LPP: variants seen among roughly 807,000 people sequenced by gnomAD.
LPP encodes lipoma-preferred partner.
In LPP, 38 loss-of-function variants were observed where a neutral mutation model predicts 60.4. The ratio of observed to expected loss-of-function variants is 0.63; its 90% CI spans 0.49 to 0.83. The LOEUF (loss-of-function observed/expected upper bound fraction) is 0.83, where lower values mean the gene tolerates loss of function less well. Ranked by LOEUF, LPP falls within the 40% of genes least tolerant of loss-of-function variation. LPP has a pLI of 0.00. For missense variants in LPP, 902 were observed against 783.6 expected, an observed-to-expected ratio of 1.15 and a Z score of -1.80; for synonymous variants, 328 against 290.8, an observed-to-expected ratio of 1.13 and a Z score of -1.30.
chr3:188,781,909 AT>A (rs67057418), intron 9 of LPP, among the ~76,000 whole-genome samples: 42,984 of 125,768 alleles, frequency 0.34, 7,318 homozygotes, highest in South Asian at 0.47. Context: ...AAAAAAAAAA[AT>A]CTATCACCCC....
intron 7 of LPP, among the ~76,000 whole-genome samples, chr3:188,703,356 T>C (rs1164521468): frequency 6.6e-6 from 1 of 152,170 alleles, no homozygotes; most frequent in African/African-American, 2.4e-5. Flanking sequence ...CCCTAAACAC[T>C]ATCGAGAGAG....
chr3:188,852,378 A>G lies in LPP; in HGVS notation c.1411-13822A>G, dbSNP rs150572305. On this transcript the variant is annotated intron_variant, in intron 9 of 11. Transcript: ENST00000617246. ...GGTCTCTCCAGCTTTGGGATAACCTAACTTCTTACATGGTAACTGCTATAG... is the reference window on the plus strand; with the variant it reads ...GGTCTCTCCAGCTTTGGGATAACCTGACTTCTTACATGGTAACTGCTATAG... 2.6e-5 allele frequency among the ~76,000 whole-genome samples: 4 copies of G among 152,270 alleles called. No homozygotes were observed. In the East Asian group the frequency reaches 7.7e-4, roughly 29 times the overall value.
intron 7 of LPP, among the ~76,000 whole-genome samples, chr3:188,668,101 CTGTTACCTCAGTATA>C (rs772331108): frequency 1.2e-4 from 18 of 151,984 alleles, no homozygotes; most frequent in Non-Finnish European, 2.5e-4. Context: ...CTCTGACAAG[CTGTTACCTCAGTATA>C]TAGAGAGAGT....
intron 5 of LPP, among the ~76,000 whole-genome samples, chr3:188,522,848 T>C (rs994552433): frequency 6.8e-6 from 1 of 147,374 alleles, no homozygotes; most frequent in Non-Finnish European, 1.5e-5. Context: ...TGTGTACGTG[T>C]GTGTATGTGT....
intron 7 of LPP, among the ~76,000 whole-genome samples, chr3:188,624,918 C>G (rs1296747509): frequency 6.6e-6 from 1 of 151,234 alleles, no homozygotes; most frequent in Admixed American, 6.6e-5. Context: ...TCTTTCCTCC[C>G]TTCCTTCCTT....
At chr3:188,190,772 T>G (rs959201666) in intron 1 of LPP, among the ~76,000 whole-genome samples, 3 of 152,158 alleles carry the variant, frequency 2.0e-5, no homozygotes, top group Non-Finnish European at 4.4e-5. Flanking sequence ...AGTAAGATTC[T>G]TGAGGTTAGA....
chr3:188,685,340 C>T (rs1402357419), intron 7 of LPP, among the ~76,000 whole-genome samples: 1 of 151,906 alleles, frequency 6.6e-6, no homozygotes, highest in South Asian at 2.1e-4. Context: ...TGTTGGTGTT[C>T]ACAGCCGTGA....
chr3:188,619,380 A>T (rs1845415149), intron 7 of LPP, among the ~76,000 whole-genome samples: 1 of 152,198 alleles, frequency 6.6e-6, no homozygotes, highest in Non-Finnish European at 1.5e-5. Context: ...ACAAAATATT[A>T]GTTAAGTAAG....
At chr3:188,297,744 G>A (rs936214841) in intron 2 of LPP, among the ~76,000 whole-genome samples, 9 of 152,166 alleles carry the variant, frequency 5.9e-5, no homozygotes, top group African/African-American at 1.9e-4. Flanking sequence ...ATTTCATATT[G>A]AGCATTTCAT....
At chr3:188,360,170 C>A (rs1768844227) in intron 3 of LPP, among the ~76,000 whole-genome samples, 1 of 152,170 alleles carries the variant, frequency 6.6e-6, no homozygotes, top group Non-Finnish European at 1.5e-5. Context: ...CCTACCTTAA[C>A]TTTGAAGGAA....
intron 4 of LPP, among the ~76,000 whole-genome samples, chr3:188,458,696 G>GT (rs2149410218): frequency 6.6e-6 from 1 of 152,268 alleles, no homozygotes; most frequent in African/African-American, 2.4e-5. Flanking sequence ...TTAGTCTTTA[G>GT]TAGGTATGTC....
chr3:188,837,556 T>A (rs1029617188), intron 9 of LPP, among the ~76,000 whole-genome samples: 2 of 152,108 alleles, frequency 1.3e-5, no homozygotes, highest in Non-Finnish European at 2.9e-5. Flanking sequence ...GTCACCCTCA[T>A]CAGCAACTGA....
At chr3:188,571,596 T>A (rs755822) in intron 6 of LPP, among the ~76,000 whole-genome samples, 47,440 of 151,904 alleles carry the variant, frequency 0.31, 7,745 homozygotes, top group Middle Eastern at 0.36. Context: ...GTAAGTCTTA[T>A]GCCCCCACCA....
At chr3:188,228,554 C>G (rs1427755590) in intron 2 of LPP, among the ~76,000 whole-genome samples, 1 of 152,102 alleles carries the variant, frequency 6.6e-6, no homozygotes, top group Non-Finnish European at 1.5e-5. Flanking sequence ...GAGGCCATGG[C>G]AGGAAGATCG....
intron 6 of LPP, among the ~76,000 whole-genome samples, chr3:188,565,390 C>T (rs531234342): frequency 1.6e-4 from 24 of 152,040 alleles, no homozygotes; most frequent in East Asian, 1.2e-3. Context: ...CTTAGAGATC[C>T]GCTCCTCTCA....
chr3:188,703,109 T>C (rs1152846), intron 7 of LPP, among the ~76,000 whole-genome samples: 104,820 of 152,124 alleles, frequency 0.69, 36,828 homozygotes, highest in Middle Eastern at 0.77. Flanking sequence ...AAAGTAGGCA[T>C]CTTGAAAAGG....
intron 1 of LPP, among the ~76,000 whole-genome samples, chr3:188,183,027 C>T (rs905472300): frequency 6.6e-6 from 1 of 151,930 alleles, no homozygotes; most frequent in Non-Finnish European, 1.5e-5. Context: ...AATGAGCATC[C>T]CAAGGTCACA....
At chr3:188,349,634 G>A (rs1445545835) in intron 3 of LPP, among the ~76,000 whole-genome samples, 1 of 152,310 alleles carries the variant, frequency 6.6e-6, no homozygotes, top group Non-Finnish European at 1.5e-5. Context: ...AGTAGCTTCT[G>A]TGGCTCTTTC....
intron 1 of LPP, among the ~76,000 whole-genome samples, chr3:188,207,212 CTT>C (rs5855184): frequency 1.7e-3 from 224 of 129,330 alleles, no homozygotes; most frequent in Non-Finnish European, 3.1e-3. Context: ...TACACATTTT[CTT>C]TTTTTTTTTT....
Sources: gnomAD v4.1 joint callset for allele counts (sites outside exome capture counted in the v4.1 genomes callset) on GRCh38, gnomAD v4.1.1 for gene constraint, MANE v1.5 for transcripts, NCBI Gene and HGNC (gene_info 2026-07-23, HGNC 2026-07-21) for gene names.